The following FCSK variants were observed in gnomAD, a reference collection of about 807,000 sequenced individuals.
The protein encoded by FCSK is fucose kinase, also known as L-fucose kinase.
In FCSK, 123 loss-of-function variants were observed where a neutral mutation model predicts 122.5. The ratio of observed to expected loss-of-function variants is 1.00; its 90% CI spans 0.87 to 1.17. The LOEUF (loss-of-function observed/expected upper bound fraction) is 1.17. FCSK is among the 50% of genes most tolerant of loss of function. FCSK has a pLI of 0.00. For synonymous variants in FCSK, 620 were observed against 625.5 expected, an observed-to-expected ratio of 0.99 and a Z score of 0.13; for missense variants, 1,366 against 1,450.4, an observed-to-expected ratio of 0.94 and a Z score of 0.95.
intron 1 of FCSK, among the ~76,000 whole-genome samples, chr16:70,456,928 G>T (rs144637315): frequency 1.1e-3 from 169 of 152,168 alleles, no homozygotes; most frequent in Non-Finnish European, 1.9e-3. Context: ...GCTGAGGCAG[G>T]AGAATGGCTT....
chr16:70,463,063 C>G, intron 1 of FCSK, 106 bp from the exon 2 acceptor site: 2 of 667,600 alleles, frequency 3.0e-6, no homozygotes, highest in Non-Finnish European at 4.9e-6. Context: ...GTGATACCAA[C>G]ACGAATCTAT....
Position 70,473,311 on chromosome 16 carries a change from C to A in FCSK, c.1735C>A (p.Arg579Ser). The change falls in exon 15 of 24, where the codon CGC (arginine) becomes AGC (serine). Residue 579 changes from arginine to serine, a missense_variant. By Grantham distance (110) the Arg-to-Ser change is moderately radical (BLOSUM62 -1). Coordinates refer to ENST00000288078, the MANE Select transcript of FCSK (RefSeq NM_145059.3). This position sits in a 1 kb window ranked among gnomAD's most constrained non-coding sequence, Gnocchi z 4.9. The part of the protein sequence containing the change: ...SLRPLIWAAV[R>S]EGCPGPLLAT... ...GCGCCCGCTGATCTGGGCTGCTGTC[C>A]GCGAGGGCTGCCCCGGGCCCCTGCT... 1 of 1,519,740 alleles carries A rather than the reference C, an allele frequency of 6.6e-7. No homozygotes were observed. The highest frequency in any genetic ancestry group is 8.8e-7 in the Non-Finnish European group (1 of 1,132,066). The allele number at this position is 1,519,740 out of a possible 1,614,324, so 94.1% of individuals were successfully genotyped here. A position where few individuals can be genotyped will look rare whatever the true frequency, so the allele number is the denominator to read the frequency against.
At position 70,466,970 on chromosome 16, in the gene FCSK, C is replaced by G; in HGVS notation, c.484+16C>G. The G allele has an allele frequency of 6.2e-7, 1 of 1,610,948 alleles. No homozygotes were observed. The highest frequency in any genetic ancestry group is 8.5e-7 in the Non-Finnish European group (1 of 1,177,996). On this transcript the variant is annotated intron_variant, in intron 6 of 23. Coordinates refer to ENST00000288078, the MANE Select transcript of FCSK (RefSeq NM_145059.3). ...GCAAATCCTGGTGAGCCTGAGACTA[C>G]CTGGGACTGCCTTCCTTCGTCACAG... is the stretch of plus-strand genomic sequence containing the variant.
At chr16:70,459,446 G>C (rs1361986644) in intron 1 of FCSK, among the ~76,000 whole-genome samples, 1 of 152,006 alleles carries the variant, frequency 6.6e-6, no homozygotes. Context: ...CTGAGGCAGG[G>C]AGAATTGCTT....
intron 23 of FCSK, 81 bp from the exon 24 acceptor site, chr16:70,479,498 C>A: frequency 6.7e-7 from 1 of 1,491,904 alleles, no homozygotes; most frequent in South Asian, 1.2e-5. Context: ...TGTAAGTCCC[C>A]CTGGTCCTGC....
At chr16:70,476,630 T>C (rs546035903) in intron 20 of FCSK, among the ~76,000 whole-genome samples, 46 of 151,902 alleles carry the variant, frequency 3.0e-4, no homozygotes, top group Non-Finnish European at 5.6e-4. Flanking sequence ...CCTCAGGGTG[T>C]CAGGTCCCGT....
At chr16:70,472,445 A>T in intron 13 of FCSK, 96 bp from the exon 14 acceptor site, 2 of 916,472 alleles carry the variant, frequency 2.2e-6, no homozygotes, top group Non-Finnish European at 3.4e-6. Flanking sequence ...TCCTGCCCTC[A>T]TGTGAGCACT....
intron 2 of FCSK, 93 bp from the exon 3 acceptor site, chr16:70,463,530 A>C: frequency 6.6e-7 from 1 of 1,511,818 alleles, no homozygotes; most frequent in Non-Finnish European, 9.0e-7. Flanking sequence ...AAGTCAAGGA[A>C]GATCAAACAC....
Position 70,473,025 on chromosome 16 carries a change from C to T in FCSK, c.1449C>T (p.Tyr483=), listed in dbSNP as rs1214436759. The change falls in exon 15 of 24, where the codon TAC becomes TAT. Residue 483 remains tyrosine (Y), a synonymous_variant. Coordinates refer to ENST00000288078, the MANE Select transcript of FCSK (RefSeq NM_145059.3). The surrounding 1 kb of genome is among the most constrained non-coding windows in gnomAD (Gnocchi z 4.9). ...ACCCTGAGACGCTGCCCGCAGAGTA[C>T]TGCCTTCCCAGCGCCCGCCTCTTTC... ...LWDPETLPAE[Y]CLPSARLFPV... The T allele has an allele frequency of 6.3e-7, 1 of 1,597,074 alleles. No homozygotes were observed. The highest frequency in any genetic ancestry group is 8.5e-7 in the Non-Finnish European group (1 of 1,172,584).
At chr16:70,470,095 G>T (rs951409069) in intron 10 of FCSK, among the ~76,000 whole-genome samples, 2 of 152,062 alleles carry the variant, frequency 1.3e-5, no homozygotes, top group Admixed American at 6.5e-5. Flanking sequence ...TGCCTGCCTC[G>T]GCCTCCCAAA....
intron 1 of FCSK, 45 bp from the exon 2 acceptor site, chr16:70,463,124 T>C (rs970191188): frequency 9.2e-7 from 1 of 1,088,638 alleles, no homozygotes. Flanking sequence ...CTTTTAGTTA[T>C]GATGGTTTAA....
intron 1 of FCSK, among the ~76,000 whole-genome samples, chr16:70,456,143 C>T (rs536309632): frequency 3.3e-4 from 50 of 152,320 alleles, no homozygotes; most frequent in African/African-American, 1.2e-3. Flanking sequence ...CTGCGTTCCG[C>T]CCTCTGGTGA....
chr16:70,466,285 C>T lies in FCSK; in HGVS notation c.411+28C>T. ...GAGGCTGGGTGGTGGCCCGTGGTGC[C>T]TCGTCCCAGATAGAGCCACTTCCCT... On this transcript the variant is annotated intron_variant, in intron 5 of 23. Transcript: ENST00000288078. 3.1e-6 allele frequency: 5 copies of T among 1,613,108 alleles called. No individual in the cohort carries two copies. The Admixed American group carries it at 8.3e-5, about 27-fold the overall frequency.
rs779949834 is a variant in FCSK, at chr16:70,479,598, T to G, written c.3173T>G (p.Ile1058Ser). The G allele has an allele frequency of 1.2e-6, 2 of 1,614,072 alleles. No individual in the cohort carries two copies. The highest frequency in any genetic ancestry group is 1.7e-6 in the Non-Finnish European group (2 of 1,179,936). ...AKTEGLGNYS[I>S]HLVEVDTQGL... ...GTCCAGGGCCTTGGGAATTACAGCA[T>G]CCACCTGGTTGAAGTGGACACTCAG... The change falls in exon 24 of 24, where the codon ATC becomes AGC. Residue 1058 changes from isoleucine to serine, a missense_variant. Physicochemically the swap from Ile to Ser is moderately radical, Grantham distance 142 (BLOSUM62 -2). Transcript: ENST00000288078.
At chr16:70,460,975 G>C (rs1184287122) in intron 1 of FCSK, among the ~76,000 whole-genome samples, 1 of 152,212 alleles carries the variant, frequency 6.6e-6, no homozygotes, top group African/African-American at 2.4e-5. Flanking sequence ...GGCATCCTGG[G>C]AGGAGCCTTC....
chr16:70,462,571 C>T (rs557150786), intron 1 of FCSK, among the ~76,000 whole-genome samples: 1 of 152,138 alleles, frequency 6.6e-6, no homozygotes, highest in Admixed American at 6.6e-5. Flanking sequence ...GGTGATCTGT[C>T]CACCTCGGCC....
chr16:70,460,145 C>A (rs187832845), intron 1 of FCSK, among the ~76,000 whole-genome samples: 3 of 131,492 alleles, frequency 2.3e-5, no homozygotes, highest in South Asian at 5.0e-4. Flanking sequence ...CTCGCTCTGT[C>A]GCCCAGGCTG....
At position 70,466,912 on chromosome 16, in the gene FCSK, G is replaced by A; in HGVS notation, c.442G>A (p.Val148Ile). ...LGPGSPPGVW[V>I]CSTDMLLSVP... ...CCCGGGCTCCCCGCCAGGCGTGTGGGTCTGCAGCACCGACATGCTGCTGTC... is the reference window on the plus strand; with the variant it reads ...CCCGGGCTCCCCGCCAGGCGTGTGGATCTGCAGCACCGACATGCTGCTGTC... The change falls in exon 6 of 24, where the codon GTC becomes ATC. Residue 148 changes from valine to isoleucine, a missense_variant. By Grantham distance (29) the Val-to-Ile change is conservative. Transcript: ENST00000288078. 6.2e-7 allele frequency: 1 copy of A among 1,613,946 alleles called. No individual in the cohort carries two copies. Among genetic ancestry groups the A allele is most frequent in the Non-Finnish European group, 8.5e-7 (1 of 1,180,024 alleles).
chr16:70,478,116 CT>C, intron 20 of FCSK, 155 bp from the exon 21 acceptor site: 1 of 676,726 alleles, frequency 1.5e-6, no homozygotes, highest in Non-Finnish European at 2.5e-6. Flanking sequence ...TGGGATTGTT[CT>C]GGGGACAGAA....
Sources: gnomAD v4.1 joint callset for allele counts (sites outside exome capture counted in the v4.1 genomes callset) on GRCh38, gnomAD v4.1.1 for gene constraint, Gnocchi (gnomAD v3.1) non-coding constraint, MANE v1.5 for transcripts, NCBI Gene and HGNC (gene_info 2026-07-23, HGNC 2026-07-21) for gene names.